Variants in RGS6 observed in about 807,000 individuals in gnomAD.
RGS6 encodes regulator of G-protein signaling 6.
Under a neutral mutation model 78.5 loss-of-function variants are expected in RGS6, and 30 were observed. The ratio of observed to expected loss-of-function variants is 0.38; its 90% CI spans 0.29 to 0.52. RGS6 has a LOEUF of 0.52. RGS6 is among the 20% of genes least tolerant of loss of function. The probability of loss-of-function intolerance (pLI) is 0.85; values close to 1 mark genes in which losing one functional copy is unlikely to be tolerated. For synonymous variants in RGS6, 206 were observed against 206.0 expected (o/e 1.00, Z 0.00); for missense variants, 495 against 609.7 (o/e 0.81, Z 1.98).
chr14:71,902,523 T>C, the RGS6 span, among the ~76,000 whole-genome samples: 1 of 152,182 alleles, frequency 6.6e-6, no homozygotes, highest in Non-Finnish European at 1.5e-5. Context: ...TCACATATAA[T>C]AGTTTTCTTT....
chr14:72,162,211 AAAG>A (rs2096862659), intron 2 of RGS6, among the ~76,000 whole-genome samples: 1 of 152,222 alleles, frequency 6.6e-6, no homozygotes, highest in Non-Finnish European at 1.5e-5. Context: ...ATGAGGAAAA[AAAG>A]AAATGATTGC....
At chr14:72,386,710 C>T (rs142620591) in intron 3 of RGS6, among the ~76,000 whole-genome samples, 1 of 152,094 alleles carries the variant, frequency 6.6e-6, no homozygotes, top group African/African-American at 2.4e-5. Context: ...TCCACTGCAC[C>T]ATCCTATTAT....
At chr14:72,153,574 C>T (rs2096725311) in intron 2 of RGS6, among the ~76,000 whole-genome samples, 2 of 152,096 alleles carry the variant, frequency 1.3e-5, no homozygotes, top group Admixed American at 6.5e-5. Context: ...TATCAGCTGG[C>T]TGAGAAATAA....
At chr14:71,974,777 C>T (rs1485785857) in intron 2 of RGS6, among the ~76,000 whole-genome samples, 1 of 152,166 alleles carries the variant, frequency 6.6e-6, no homozygotes, top group Non-Finnish European at 1.5e-5. Context: ...GTGCTTACAG[C>T]TGAAATAATT....
chr14:72,261,806 A>C (rs1438262357), intron 2 of RGS6, among the ~76,000 whole-genome samples: 3 of 152,188 alleles, frequency 2.0e-5, no homozygotes, highest in Admixed American at 2.0e-4. Context: ...TATTCTTCTA[A>C]AATTCACTTG....
chr14:72,360,150 G>T (rs192938137), intron 3 of RGS6, among the ~76,000 whole-genome samples: 90 of 152,268 alleles, frequency 5.9e-4, no homozygotes, highest in Admixed American at 1.2e-3. Flanking sequence ...TCAAAGAATA[G>T]GTAAGAGAGG....
intron 16 of RGS6, among the ~76,000 whole-genome samples, chr14:72,539,805 C>A (rs189882102): frequency 2.6e-5 from 4 of 152,212 alleles, no homozygotes; most frequent in Non-Finnish European, 4.4e-5. Flanking sequence ...GCAAAGCCCC[C>A]CTCTCTGCTC....
the RGS6 span, among the ~76,000 whole-genome samples, chr14:71,913,693 G>T: frequency 2.0e-5 from 3 of 152,220 alleles, no homozygotes; most frequent in Non-Finnish European, 2.9e-5. Flanking sequence ...GCTGACAAAA[G>T]GAGACACATG....
intron 3 of RGS6, among the ~76,000 whole-genome samples, chr14:72,382,172 T>G (rs751693246): frequency 8.6e-5 from 13 of 152,014 alleles, no homozygotes; most frequent in Non-Finnish European, 1.9e-4. Context: ...GAAGCCACAA[T>G]TGGAAGAAGA....
intron 2 of RGS6, among the ~76,000 whole-genome samples, chr14:72,084,987 A>G (rs2094968311): frequency 6.6e-6 from 1 of 152,200 alleles, no homozygotes; most frequent in Non-Finnish European, 1.5e-5. Context: ...ATTTATTTGC[A>G]GGGGAAATCT....
intron 3 of RGS6, among the ~76,000 whole-genome samples, chr14:72,450,097 C>T (rs548081717): frequency 1.3e-5 from 2 of 152,088 alleles, no homozygotes; most frequent in Middle Eastern, 3.4e-3. Context: ...TGATGCCTCC[C>T]GCTCCCCAAA....
intron 2 of RGS6, among the ~76,000 whole-genome samples, chr14:72,171,772 A>G (rs1162289455): frequency 6.6e-6 from 1 of 152,226 alleles, no homozygotes; most frequent in African/African-American, 2.4e-5. Flanking sequence ...GACCTTTCAT[A>G]TTGAAATCTG....
At chr14:72,120,671 C>T (rs2096025324) in intron 2 of RGS6, among the ~76,000 whole-genome samples, 1 of 152,200 alleles carries the variant, frequency 6.6e-6, no homozygotes, top group Non-Finnish European at 1.5e-5. Flanking sequence ...CAATGGCATA[C>T]ATGAATCTCA....
In RGS6 at chr14:72,518,364, GTCCAAGA is replaced by G; in HGVS notation, c.1108_1114del (p.Gln370LeufsTer13). On this transcript the variant is annotated frameshift_variant, in exon 15 of 18. Coordinates refer to ENST00000553525, the MANE Select transcript of RGS6 (RefSeq NM_001204424.2). LOFTEE classifies it high-confidence loss of function. ...CTCCCACTTCAGGTTCTGGCTGGCT[GTCCAAGA>G]TCTTAAGAAACAACCCCTACAGGAT... 6.2e-7 allele frequency: 1 copy of G among 1,613,616 alleles called. No individual in the cohort carries two copies. Among genetic ancestry groups the G allele is most frequent in the Non-Finnish European group, 8.5e-7 (1 of 1,179,664 alleles).
At chr14:72,021,091 A>G (rs2088352036) in intron 2 of RGS6, among the ~76,000 whole-genome samples, 1 of 152,210 alleles carries the variant, frequency 6.6e-6, no homozygotes. Flanking sequence ...TTCTCTGCTG[A>G]TGGAGCCATT....
intron 3 of RGS6, among the ~76,000 whole-genome samples, chr14:72,359,585 A>G (rs2152779507): frequency 6.6e-6 from 1 of 152,344 alleles, no homozygotes; most frequent in African/African-American, 2.4e-5. Flanking sequence ...TAATGAGGTC[A>G]CCAAGGGAGT....
At chr14:72,424,588 T>C (rs2094351679) in intron 3 of RGS6, among the ~76,000 whole-genome samples, 1 of 152,206 alleles carries the variant, frequency 6.6e-6, no homozygotes, top group Non-Finnish European at 1.5e-5. Context: ...ATAAATCATA[T>C]CTGTATTAAC....
rs908203383 is a variant in RGS6 at position 72,138,634 on chromosome 14, G to A, written c.84+173759G>A. Reference sequence around the variant, plus strand: ...CAGGAGGTGAGCAGTGGGCGAGTAAGCAAAGCTTCATCTGTATTTACAGTG... The same window carrying A: ...CAGGAGGTGAGCAGTGGGCGAGTAAACAAAGCTTCATCTGTATTTACAGTG... On this transcript the variant is annotated intron_variant, in intron 2 of 17. Coordinates refer to ENST00000553525, the MANE Select transcript of RGS6 (RefSeq NM_001204424.2). Among the ~76,000 whole-genome samples, 3 of 151,902 alleles carry A rather than the reference G, an allele frequency of 2.0e-5. No individual in the cohort carries two copies. In the South Asian group the frequency reaches 6.2e-4, roughly 32 times the overall value.
intron 2 of RGS6, among the ~76,000 whole-genome samples, chr14:72,141,851 A>G (rs982073316): frequency 1.3e-5 from 2 of 151,616 alleles, no homozygotes; most frequent in South Asian, 2.1e-4. Flanking sequence ...CATGTTCCTT[A>G]TGGTTCCTTA....
Sources: gnomAD v4.1 joint callset for allele counts (sites outside exome capture counted in the v4.1 genomes callset) on GRCh38, gnomAD v4.1.1 for gene constraint, MANE v1.5 for transcripts, NCBI Gene and HGNC (gene_info 2026-07-23, HGNC 2026-07-21) for gene names.